The following CD84 variants were observed in gnomAD, a reference collection of about 807,000 sequenced individuals.
CD84 encodes the protein SLAM family member 5.
CD84 carries 22 observed loss-of-function variants against 33.8 expected under a neutral mutation model. That is an observed-to-expected ratio of 0.65 (90% CI 0.46 to 0.93). The LOEUF is 0.93. Among genes scored for constraint, CD84 ranks in the 40% least tolerant of loss-of-function variants. The pLI is 0.00. For synonymous variants in CD84, 154 were observed against 145.2 expected (o/e 1.06, Z -0.44); for missense variants, 400 against 397.6 (o/e 1.01, Z -0.05).
At chr1:160,576,560 C>T (rs577748267) in intron 1 of CD84, among the ~76,000 whole-genome samples, 1 of 152,276 alleles carries the variant, frequency 6.6e-6, no homozygotes, top group Admixed American at 6.5e-5. Flanking sequence ...ATAAATAAAT[C>T]ATCACTCTTT....
At chr1:160,579,368 C>A in intron 1 of CD84, 24 bp downstream of exon 1, 3 of 1,612,780 alleles carry the variant, frequency 1.9e-6, no homozygotes, top group Non-Finnish European at 2.5e-6. Context: ...AACTAGGAGG[C>A]GATCAGCAAG....
intron 2 of CD84, among the ~76,000 whole-genome samples, chr1:160,555,736 G>A (rs1227743029): frequency 1.3e-5 from 2 of 150,148 alleles, no homozygotes; most frequent in Non-Finnish European, 2.9e-5. Context: ...TGTGAGGAAG[G>A]GAATAGAGGA....
In CD84 at chr1:160,552,738, C is replaced by A. The variant is rs1343621291; in HGVS notation, c.760+640G>T. The A allele has an allele frequency of 6.5e-6, 10 of 1,546,908 alleles. No individual in the cohort carries two copies. In the East Asian group the frequency reaches 2.4e-4, roughly 38 times the overall value. On this transcript the variant is annotated intron_variant, in intron 4 of 6. Coordinates refer to ENST00000368054, the MANE Select transcript of CD84 (RefSeq NM_003874.4). ...TTAGTGAAGGTGTTCAAGCAGGAAC[C>A]TGAGGAATCAGACCCAAAGGAGAGT...
chr1:160,565,338 G>T, intron 2 of CD84, 66 bp downstream of exon 2: 1 of 1,180,628 alleles, frequency 8.5e-7, no homozygotes, highest in Non-Finnish European at 1.2e-6. Flanking sequence ...AAATGTAGAT[G>T]TGTTTCAGAT....
chr1:160,549,826 G>T, intron 6 of CD84, 91 bp downstream of exon 6: 1 of 960,334 alleles, frequency 1.0e-6, no homozygotes, highest in Non-Finnish European at 1.7e-6. Flanking sequence ...AGTCCCAGGG[G>T]AACCAGCTAG....
intron 1 of CD84, among the ~76,000 whole-genome samples, chr1:160,566,564 C>A (rs1197043739): frequency 6.6e-6 from 1 of 152,154 alleles, no homozygotes; most frequent in South Asian, 2.1e-4. Flanking sequence ...TGTTGGACAT[C>A]TACTCTTTTA....
In CD84 at chr1:160,579,483, A is replaced by G. The variant is rs781432513; in HGVS notation, c.-46T>C. On this transcript the variant is annotated 5_prime_UTR_variant, in exon 1 of 7. Transcript: ENST00000368054. ...CTGTGGAAAAGCACGGCACTGTTCT[A>G]GCAGAGTCAGTTTCACTTGAGTTTT... The G allele has an allele frequency of 6.2e-7, 1 of 1,601,982 alleles. No homozygotes were observed. The highest frequency in any genetic ancestry group is 1.1e-5 in the South Asian group (1 of 88,510).
At chr1:160,578,436 CA>C (rs1302626719) in intron 1 of CD84, among the ~76,000 whole-genome samples, 1 of 152,056 alleles carries the variant, frequency 6.6e-6, no homozygotes, top group Non-Finnish European at 1.5e-5. Context: ...TTAAAGGAGC[CA>C]TAGCTTGAAA....
intron 1 of CD84, among the ~76,000 whole-genome samples, chr1:160,570,202 C>T (rs764935893): frequency 5.3e-5 from 8 of 152,032 alleles, no homozygotes; most frequent in Non-Finnish European, 1.0e-4. Flanking sequence ...TACTTTATGT[C>T]ATTGAAAAAC....
chr1:160,566,503 C>T (rs349248), intron 1 of CD84, among the ~76,000 whole-genome samples: 7,856 of 152,246 alleles, frequency 0.052, 695 homozygotes, highest in African/African-American at 0.18. Context: ...ATCAGTTTTG[C>T]TCCAGATACT....
chr1:160,575,619 CAA>C (rs1657954614), intron 1 of CD84, among the ~76,000 whole-genome samples: 1 of 152,008 alleles, frequency 6.6e-6, no homozygotes, highest in Non-Finnish European at 1.5e-5. Flanking sequence ...ACAAAGGAAA[CAA>C]GAGTACCTAG....
chr1:160,558,290 A>G (rs1488911122), intron 2 of CD84, among the ~76,000 whole-genome samples: 2 of 152,152 alleles, frequency 1.3e-5, no homozygotes, highest in South Asian at 4.2e-4. Flanking sequence ...GCAGGCTGCC[A>G]TCTTTGCTGT....
intron 2 of CD84, among the ~76,000 whole-genome samples, chr1:160,556,803 G>A (rs529054794): frequency 3.3e-5 from 5 of 152,256 alleles, no homozygotes; most frequent in South Asian, 2.1e-4. Context: ...CTAATTGCAC[G>A]TGGTAGAAGA....
intron 1 of CD84, among the ~76,000 whole-genome samples, chr1:160,573,142 A>G (rs1657796607): frequency 6.6e-6 from 1 of 152,198 alleles, no homozygotes; most frequent in Non-Finnish European, 1.5e-5. Flanking sequence ...AAAGAAGAAT[A>G]TTTGAAAAAA....
chr1:160,549,971 G>A lies in CD84; in HGVS notation c.867C>T (p.Pro289=). The stretch of plus-strand genomic sequence containing the variant: ...CTGTGTTCACTGGCTCTTCCTTGGA[G>A]GGAAGCACCTGTAAAACACACATCT... ...YDEILQSKVL[P]SKEEPVNTVY... The change falls in exon 6 of 7, where the codon CCC becomes CCT. Residue 289 remains proline, a synonymous_variant. Coordinates refer to ENST00000368054, the MANE Select transcript of CD84 (RefSeq NM_003874.4). 6.2e-7 allele frequency: 1 copy of A among 1,610,106 alleles called. No individual in the cohort carries two copies.
chr1:160,548,255 C>T lies in CD84; in HGVS notation c.*1G>A, dbSNP rs142166239. Reference sequence around the variant, plus strand: ...CCAGAGGGAGAATTCAGCCCAGCAGCCTAGATCACAATTTCATAGCTTGAA... The same window carrying T: ...CCAGAGGGAGAATTCAGCCCAGCAGTCTAGATCACAATTTCATAGCTTGAA... On this transcript the variant is annotated 3_prime_UTR_variant, in exon 7 of 7. Coordinates refer to ENST00000368054, the MANE Select transcript of CD84 (RefSeq NM_003874.4). 4.6e-4 allele frequency: 737 copies of T among 1,614,098 alleles called. 6 individuals carry two copies. In the African/African-American group the frequency reaches 8.8e-3, roughly 19 times the overall value.
chr1:160,548,479 G>T (rs1462255702), intron 6 of CD84, among the ~76,000 whole-genome samples, 158 bp from the exon 7 acceptor site: 1 of 152,164 alleles, frequency 6.6e-6, no homozygotes, highest in Non-Finnish European at 1.5e-5. Context: ...CTTGTTCTTT[G>T]CTGAGTCCCT....
Position 160,547,280 on chromosome 1 carries a change from A to G in CD84, c.*976T>C. 2.5e-6 allele frequency: 1 copy of G among 398,162 alleles called. No homozygotes were observed. The highest frequency in any genetic ancestry group is 4.4e-6 in the Non-Finnish European group (1 of 225,970). The allele number at this position is 398,162 out of a possible 1,614,324, so 24.7% of individuals were successfully genotyped here. A position where few individuals can be genotyped will look rare whatever the true frequency, so the allele number is the denominator to read the frequency against. ...GACTCTGCTTCTTGCAAGGTCTTCT[A>G]TTTTGATGGTTGGATTATACCCAGT... On this transcript the variant is annotated 3_prime_UTR_variant, in exon 7 of 7. Coordinates refer to ENST00000368054, the MANE Select transcript of CD84 (RefSeq NM_003874.4).
intron 2 of CD84, among the ~76,000 whole-genome samples, chr1:160,557,910 C>T (rs1489239760): frequency 6.6e-6 from 1 of 152,164 alleles, no homozygotes; most frequent in Non-Finnish European, 1.5e-5. Flanking sequence ...GCTTTACTCT[C>T]ACTGGGTGGG....
Sources: allele counts gnomAD v4.1 joint callset (sites outside exome capture counted in the v4.1 genomes callset), GRCh38; gene constraint gnomAD v4.1.1; transcripts MANE v1.5; gene names NCBI Gene and HGNC (gene_info 2026-07-23, HGNC 2026-07-21).